Variants in ZBTB44 observed in about 807,000 individuals in gnomAD.
ZBTB44 encodes the protein zinc finger and BTB domain containing 44, also known as zinc finger and BTB domain-containing protein 44.
In ZBTB44, 15 loss-of-function variants were observed where a neutral mutation model predicts 54.0. The ratio of observed to expected loss-of-function variants is 0.28; its 90% CI spans 0.19 to 0.43. The LOEUF is 0.43. Ranked by LOEUF, ZBTB44 falls within the 20% of genes least tolerant of loss-of-function variation. The probability of loss-of-function intolerance (pLI) is 1.00; values close to 1 mark genes in which losing one functional copy is unlikely to be tolerated. For missense variants in ZBTB44, 487 were observed against 707.1 expected, an observed-to-expected ratio of 0.69 and a Z score of 3.53; for synonymous variants, 230 against 250.1, an observed-to-expected ratio of 0.92 and a Z score of 0.76.
At chr11:130,300,890 G>A (rs1394997250) in intron 1 of ZBTB44, among the ~76,000 whole-genome samples, 1 of 152,134 alleles carries the variant, frequency 6.6e-6, no homozygotes, top group African/African-American at 2.4e-5. Flanking sequence ...ATAGAGCAAG[G>A]GGGTTAGCTG....
intron 4 of ZBTB44, among the ~76,000 whole-genome samples, chr11:130,237,294 A>G (rs1199730240): frequency 2.6e-5 from 4 of 152,314 alleles, no homozygotes; most frequent in African/African-American, 9.6e-5. Context: ...AGGAAAAGAA[A>G]AAAAGGCAGT....
In ZBTB44 at chr11:130,276,242, A is replaced by AAAAAAAAAAAAG. The variant is rs59112840; in HGVS notation, c.-56-14314_-56-14313insCTTTTTTTTTTT. 3.1e-4 allele frequency among the ~76,000 whole-genome samples: 29 copies of AAAAAAAAAAAAG among 94,448 alleles called. 2 individuals carry two copies. The highest frequency in any genetic ancestry group is 4.4e-4 in the African/African-American group (12 of 27,440). 62.0% of individuals were successfully genotyped at this position (94,448 alleles called of 152,430 possible). On this transcript the variant is annotated intron_variant, in intron 1 of 7. Transcript: ENST00000357899. ...CGTGAAACTCTGTCTCAAAAAAAAA[A>AAAAAAAAAAAAG]AAAAGAAAAAAGAAATCAGAGGTTT...
intron 2 of ZBTB44, among the ~76,000 whole-genome samples, chr11:130,247,180 C>T (rs1026771184): frequency 1.3e-5 from 2 of 152,160 alleles, no homozygotes; most frequent in Non-Finnish European, 2.9e-5. Flanking sequence ...CCTAAAAACC[C>T]CATGGTGTAT....
chr11:130,255,919 A>AAAAAAAAC (rs1555167098), intron 2 of ZBTB44, among the ~76,000 whole-genome samples: 1 of 131,400 alleles, frequency 7.6e-6, no homozygotes, highest in African/African-American at 2.9e-5. Context: ...AAAAAAAAAA[A>AAAAAAAAC]AACACCCCTT....
rs559220632 is a variant in ZBTB44, at chr11:130,230,103, A to G, written c.*1661T>C. ...TAAGTCTCTGTTACAGAATTGCCAC[A>G]TTATACAGTAATGTATTTTTCAAGG... On this transcript the variant is annotated 3_prime_UTR_variant, in exon 8 of 8. Transcript: ENST00000357899. The G allele has an allele frequency of 6.6e-6, 1 of 152,128 alleles. No individual in the cohort carries two copies. The highest frequency in any genetic ancestry group is 1.5e-5 in the Non-Finnish European group (1 of 67,938). 9.4% of individuals were successfully genotyped at this position (152,128 alleles called of 1,614,324 possible).
chr11:130,243,889 A>ACAC (rs1954507249), intron 2 of ZBTB44, among the ~76,000 whole-genome samples: 1 of 152,020 alleles, frequency 6.6e-6, no homozygotes, highest in Non-Finnish European at 1.5e-5. Flanking sequence ...GTTACAATAC[A>ACAC]CACATTAAGC....
intron 2 of ZBTB44, among the ~76,000 whole-genome samples, chr11:130,249,090 T>A (rs503941): frequency 6.6e-6 from 1 of 151,940 alleles, no homozygotes; most frequent in East Asian, 1.9e-4. Flanking sequence ...GGTGACAGAG[T>A]GAGACTCAGT....
At chr11:130,294,231 A>T (rs1941490578) in intron 1 of ZBTB44, among the ~76,000 whole-genome samples, 1 of 151,866 alleles carries the variant, frequency 6.6e-6, no homozygotes, top group Admixed American at 6.6e-5. Context: ...CAACACAGCG[A>T]AACCCCGTCT....
At chr11:130,269,568 T>C (rs1167011039) in intron 1 of ZBTB44, among the ~76,000 whole-genome samples, 1 of 152,242 alleles carries the variant, frequency 6.6e-6, no homozygotes, top group Non-Finnish European at 1.5e-5. Flanking sequence ...GAAAGTGGTA[T>C]GTTGCTAAAC....
At chr11:130,234,852 A>G (rs1399914298) in intron 5 of ZBTB44, among the ~76,000 whole-genome samples, 1 of 152,150 alleles carries the variant, frequency 6.6e-6, no homozygotes, top group African/African-American at 2.4e-5. Context: ...GAATGCCTTG[A>G]GATTGGTTAT....
At chr11:130,311,625 G>C (rs1168952322) in intron 1 of ZBTB44, among the ~76,000 whole-genome samples, 1 of 152,166 alleles carries the variant, frequency 6.6e-6, no homozygotes, top group Non-Finnish European at 1.5e-5. Context: ...CTGAACTCAT[G>C]ATTAAACAAG....
chr11:130,256,847 A>T (rs1046666037), intron 2 of ZBTB44, among the ~76,000 whole-genome samples: 6 of 152,086 alleles, frequency 3.9e-5, no homozygotes, highest in Admixed American at 2.0e-4. Context: ...CAAGACAAGG[A>T]TGCTCTCTCT....
chr11:130,259,652 A>G lies in ZBTB44; in HGVS notation c.1018+1204T>C, dbSNP rs1372445104. Among the ~76,000 whole-genome samples, 4 of 152,178 alleles carry G rather than the reference A, an allele frequency of 2.6e-5. No individual in the cohort carries two copies. The East Asian group carries it at 7.7e-4, about 29-fold the overall frequency. On this transcript the variant is annotated intron_variant, in intron 2 of 7. Coordinates refer to ENST00000357899, the MANE Select transcript of ZBTB44 (RefSeq NM_001301098.2). ...AAAAGAATGAGTTCATGTCCTTTGC[A>G]GGGACATGGATGAAGCTGGAAACCA...
chr11:130,235,778 G>A (rs1954082001), intron 5 of ZBTB44, among the ~76,000 whole-genome samples: 2 of 152,142 alleles, frequency 1.3e-5, no homozygotes, highest in African/African-American at 2.4e-5. Context: ...GAAGCAGGCG[G>A]ATCACTTGAG....
Position 130,229,342 on chromosome 11 carries a change from C to T in ZBTB44, c.*2422G>A, listed in dbSNP as rs1591909622. 1 of 152,064 alleles carries T rather than the reference C, an allele frequency of 6.6e-6. No individual in the cohort carries two copies. The highest frequency in any genetic ancestry group is 2.4e-5 in the African/African-American group (1 of 41,422). 9.4% of individuals were successfully genotyped at this position (152,064 alleles called of 1,614,324 possible). On this transcript the variant is annotated 3_prime_UTR_variant, in exon 8 of 8. Coordinates refer to ENST00000357899, the MANE Select transcript of ZBTB44 (RefSeq NM_001301098.2). The stretch of plus-strand genomic sequence containing the variant: ...TCCCATAACTGACACAGGCTTAACC[C>T]CCCATAAATATTACAACATCTCAAC...
At chr11:130,233,969 A>C (rs1248747139) in intron 6 of ZBTB44, 187 bp downstream of exon 6, 1 of 1,438,392 alleles carries the variant, frequency 7.0e-7, no homozygotes, top group East Asian at 2.8e-5. Flanking sequence ...CCAAAAAACA[A>C]AACTGAAGCC....
intron 1 of ZBTB44, among the ~76,000 whole-genome samples, chr11:130,270,127 A>C (rs1226739080): frequency 6.6e-6 from 1 of 152,206 alleles, no homozygotes; most frequent in African/African-American, 2.4e-5. Context: ...CTTGGAAGTA[A>C]TTTTAGTTGG....
chr11:130,296,593 A>G, intron 1 of ZBTB44: 1 of 899,484 alleles, frequency 1.1e-6, no homozygotes, highest in Non-Finnish European at 1.9e-6. Flanking sequence ...TAGGTAGAAC[A>G]GCCAGAGGCC....
At chr11:130,297,989 C>T (rs144389640) in intron 1 of ZBTB44, among the ~76,000 whole-genome samples, 76 of 152,148 alleles carry the variant, frequency 5.0e-4, no homozygotes, top group African/African-American at 1.7e-3. Flanking sequence ...GCAAACAGTA[C>T]GTACAAGAAA....
Sources: gnomAD v4.1 joint callset for allele counts (sites outside exome capture counted in the v4.1 genomes callset) on GRCh38, gnomAD v4.1.1 for gene constraint, MANE v1.5 for transcripts, NCBI Gene and HGNC (gene_info 2026-07-23, HGNC 2026-07-21) for gene names.